Variants in DTNB observed in about 807,000 individuals in gnomAD.
DTNB encodes dystrobrevin beta.
In DTNB, 63 loss-of-function variants were observed where a neutral mutation model predicts 90.7. That is an observed-to-expected ratio of 0.69 (90% CI 0.57 to 0.86). The LOEUF is 0.86. Among genes scored for constraint, DTNB ranks in the 40% least tolerant of loss-of-function variants. DTNB has a pLI of 0.00. For synonymous variants in DTNB, 277 were observed against 286.7 expected (o/e 0.97, Z 0.34); for missense variants, 744 against 807.1 (o/e 0.92, Z 0.95).
intron 15 of DTNB, among the ~76,000 whole-genome samples, chr2:25,426,208 C>G (rs2051541762): frequency 6.6e-6 from 1 of 152,154 alleles, no homozygotes; most frequent in African/African-American, 2.4e-5. Flanking sequence ...AGTCAGATAG[C>G]TGGTAAAACA....
intron 16 of DTNB, among the ~76,000 whole-genome samples, chr2:25,406,409 C>T (rs975266855): frequency 6.6e-6 from 1 of 151,876 alleles, no homozygotes; most frequent in African/African-American, 2.4e-5. Flanking sequence ...GTGGTGCATG[C>T]CTGTAATTCC....
intron 10 of DTNB, among the ~76,000 whole-genome samples, chr2:25,456,576 T>C (rs1246035456): frequency 6.6e-6 from 1 of 151,894 alleles, no homozygotes; most frequent in East Asian, 1.9e-4. Context: ...TTTGTTTTTG[T>C]TTTTTTGTTT....
intron 12 of DTNB, among the ~76,000 whole-genome samples, chr2:25,445,503 G>A (rs781171922): frequency 2.0e-5 from 3 of 152,154 alleles, no homozygotes; most frequent in Non-Finnish European, 4.4e-5. Context: ...TGCAGCTTTC[G>A]TAACTCTATT....
chr2:25,582,854 T>C lies in DTNB; in HGVS notation c.604-2028A>G, dbSNP rs146553482. On this transcript the variant is annotated intron_variant, in intron 6 of 20. Coordinates refer to ENST00000406818, the MANE Select transcript of DTNB (RefSeq NM_021907.5). The stretch of plus-strand genomic sequence containing the variant: ...ATCTGGGAGGAACCAGTGAATAACA[T>C]TAAAAACCATAAAGCCACCTAATAT... 3.9e-4 allele frequency among the ~76,000 whole-genome samples: 59 copies of C among 152,238 alleles called. 1 individual carries two copies. In the East Asian group the frequency reaches 6.6e-3, roughly 17 times the overall value.
intron 8 of DTNB, among the ~76,000 whole-genome samples, chr2:25,571,936 G>A (rs2059935564): frequency 1.3e-5 from 2 of 152,084 alleles, no homozygotes; most frequent in Non-Finnish European, 2.9e-5. Flanking sequence ...CTCTCCAGTG[G>A]AATTTAAGCA....
At chr2:25,382,518 CCTTT>C (rs2038111156) in intron 19 of DTNB, among the ~76,000 whole-genome samples, 1 of 117,956 alleles carries the variant, frequency 8.5e-6, no homozygotes, top group Non-Finnish European at 1.8e-5. Context: ...CAGTTCTCTG[CCTTT>C]TTTTTTTTTT....
intron 1 of DTNB, among the ~76,000 whole-genome samples, chr2:25,666,608 A>C (rs2084505595): frequency 6.6e-6 from 1 of 152,234 alleles, no homozygotes; most frequent in Non-Finnish European, 1.5e-5. Context: ...TCTTTGATGC[A>C]TCCTCTCTGC....
At chr2:25,436,772 G>A (rs1235035145) in intron 12 of DTNB, among the ~76,000 whole-genome samples, 1 of 152,214 alleles carries the variant, frequency 6.6e-6, no homozygotes, top group Non-Finnish European at 1.5e-5. Flanking sequence ...GCTTGAGACT[G>A]AGGCTGGCTG....
intron 16 of DTNB, among the ~76,000 whole-genome samples, chr2:25,405,139 G>A (rs1476956727): frequency 6.6e-6 from 1 of 152,028 alleles, no homozygotes. Flanking sequence ...TGTTGCCCAG[G>A]CTGATTTCAA....
intron 10 of DTNB, among the ~76,000 whole-genome samples, chr2:25,477,354 C>T (rs2063941406): frequency 6.6e-6 from 1 of 152,062 alleles, no homozygotes. Context: ...ATTATATTAA[C>T]TCATCTCTTA....
Position 25,448,722 on chromosome 2 carries a change from C to T in DTNB, c.1257+2826G>A, listed in dbSNP as rs1332476923. Among the ~76,000 whole-genome samples the T allele has an allele frequency of 4.6e-5, 7 of 151,982 alleles. No homozygotes were observed. The East Asian group carries it at 9.7e-4, about 21-fold the overall frequency. ...ACAAAAAATTAGCCGGGCGTGGTGG[C>T]GGGCACCTGTAGTCCCAGCTACTCA... On this transcript the variant is annotated intron_variant, in intron 12 of 20. Coordinates refer to ENST00000406818, the MANE Select transcript of DTNB (RefSeq NM_021907.5).
chr2:25,412,696 A>G (rs1404967069), intron 16 of DTNB, among the ~76,000 whole-genome samples: 2 of 152,224 alleles, frequency 1.3e-5, no homozygotes, highest in African/African-American at 4.8e-5. Context: ...TCATGAATAA[A>G]CAGAACCCCT....
intron 4 of DTNB, among the ~76,000 whole-genome samples, chr2:25,613,954 T>A (rs930155308): frequency 2.0e-5 from 3 of 152,074 alleles, no homozygotes; most frequent in African/African-American, 7.2e-5. Context: ...CAAGACTCCG[T>A]CTCTAAATAA....
At chr2:25,603,764 A>C (rs1376180665) in intron 5 of DTNB, among the ~76,000 whole-genome samples, 3 of 152,244 alleles carry the variant, frequency 2.0e-5, no homozygotes, top group Non-Finnish European at 4.4e-5. Context: ...AGTCAGTAGA[A>C]GGAGGTTGGA....
At chr2:25,589,367 CT>C (rs1169808182) in intron 6 of DTNB, among the ~76,000 whole-genome samples, 118 of 57,524 alleles carry the variant, frequency 2.1e-3, no homozygotes, top group African/African-American at 7.3e-3. Context: ...TTTTTCTTTT[CT>C]TTTTTTTTTT....
rs2081178548 is a variant in DTNB, at chr2:25,652,619, C to T, written c.42G>A (p.Glu14=). The part of the protein sequence containing the change: ...ESGNKRKTMA[E]KRQLFIEMRA... The stretch of plus-strand genomic sequence containing the variant: ...GCATTTCTATGAACAGCTGCCTCTT[C>T]TCTGCCATGGTCTTCCGCTTGTTCC... Residue 14 remains glutamate, a synonymous_variant, in exon 2 of 21, where the codon GAG becomes GAA. Coordinates refer to ENST00000406818, the MANE Select transcript of DTNB (RefSeq NM_021907.5). The T allele has an allele frequency of 6.2e-7, 1 of 1,612,588 alleles. No homozygotes were observed. The highest frequency in any genetic ancestry group is 8.5e-7 in the Non-Finnish European group (1 of 1,179,640).
At chr2:25,419,491 CG>C in intron 16 of DTNB, 23 bp downstream of exon 16, 1 of 1,557,694 alleles carries the variant, frequency 6.4e-7, no homozygotes, top group South Asian at 1.2e-5. Flanking sequence ...GAGAGTCCGG[CG>C]GGAAATTCCG....
intron 7 of DTNB, 66 bp from the exon 8 acceptor site, chr2:25,577,070 A>G: frequency 6.9e-7 from 1 of 1,446,144 alleles, no homozygotes; most frequent in Non-Finnish European, 9.2e-7. Flanking sequence ...AAAAGAAGAA[A>G]GAATAAAATT....
intron 9 of DTNB, among the ~76,000 whole-genome samples, chr2:25,495,147 C>A (rs2068528553): frequency 6.6e-6 from 1 of 152,070 alleles, no homozygotes; most frequent in South Asian, 2.1e-4. Flanking sequence ...CCCACTGCAA[C>A]CTCCACCTCC....
Sources: allele counts gnomAD v4.1 joint callset (sites outside exome capture counted in the v4.1 genomes callset), GRCh38; gene constraint gnomAD v4.1.1; transcripts MANE v1.5; gene names NCBI Gene and HGNC (gene_info 2026-07-23, HGNC 2026-07-21).